Variants in UBE2D2 observed in about 807,000 individuals in gnomAD.
UBE2D2 encodes ubiquitin conjugating enzyme E2 D2.
A neutral mutation model predicts 24.2 loss-of-function variants in UBE2D2; 2 were observed. The observed-to-expected ratio is 0.08, with a 90% CI of 0.03 to 0.26. The LOEUF (loss-of-function observed/expected upper bound fraction) is 0.26, where lower values mean the gene tolerates loss of function less well. Among genes scored for constraint, UBE2D2 ranks in the 10% least tolerant of loss-of-function variants. UBE2D2 has a pLI of 1.00. For synonymous variants in UBE2D2, 58 were observed against 56.5 expected, an observed-to-expected ratio of 1.03 and a Z score of -0.12; for missense variants, 44 against 177.6, an observed-to-expected ratio of 0.25 and a Z score of 4.28.
chr5:139,539,125 A>G (rs1232885709), intron 1 of UBE2D2, among the ~76,000 whole-genome samples: 1 of 151,954 alleles, frequency 6.6e-6, no homozygotes, highest in Non-Finnish European at 1.5e-5. Flanking sequence ...CCCGGGTTCA[A>G]GTAATTCTCC....
chr5:139,567,393 C>T (rs1030996926), intron 1 of UBE2D2, among the ~76,000 whole-genome samples: 11 of 151,830 alleles, frequency 7.2e-5, no homozygotes, highest in South Asian at 2.1e-4. Context: ...ACACCGTGCC[C>T]GGCCTTAAGT....
chr5:139,532,902 T>C (rs1752615024), intron 1 of UBE2D2, among the ~76,000 whole-genome samples: 2 of 151,542 alleles, frequency 1.3e-5, no homozygotes, highest in Non-Finnish European at 2.9e-5. Context: ...AGATCAGGAG[T>C]TTGAGACCAG....
intron 2 of UBE2D2, among the ~76,000 whole-genome samples, chr5:139,601,418 A>G (rs1200366265): frequency 6.6e-6 from 1 of 152,120 alleles, no homozygotes; most frequent in African/African-American, 2.4e-5. Flanking sequence ...AGCTTGGTCA[A>G]CATGGTGAAG....
intron 1 of UBE2D2, among the ~76,000 whole-genome samples, chr5:139,583,251 A>G (rs1181534697): frequency 2.0e-5 from 3 of 152,172 alleles, no homozygotes; most frequent in East Asian, 1.9e-4. Context: ...TTGGGATTAC[A>G]GGCATGAACC....
At chr5:139,603,684 G>T (rs1456548456) in intron 2 of UBE2D2, among the ~76,000 whole-genome samples, 1 of 145,654 alleles carries the variant, frequency 6.9e-6, no homozygotes, top group Non-Finnish European at 1.5e-5. Flanking sequence ...CGCCTGTAAT[G>T]CCAGCACTTT....
At chr5:139,597,424 A>C (rs543157282) in intron 1 of UBE2D2, among the ~76,000 whole-genome samples, 188 of 152,338 alleles carry the variant, frequency 1.2e-3, no homozygotes, top group Admixed American at 3.9e-3. Context: ...TTAAATGTCT[A>C]TTAGCCTAAG....
intron 1 of UBE2D2, among the ~76,000 whole-genome samples, chr5:139,545,431 T>C (rs1752813211): frequency 3.8e-4 from 1 of 2,624 alleles, no homozygotes; most frequent in Non-Finnish European, 6.2e-4. Flanking sequence ...CTTTTTTTTT[T>C]TTAATTTTTT....
At chr5:139,600,343 T>C in intron 1 of UBE2D2, 29 bp from the exon 2 acceptor site, 1 of 1,609,532 alleles carries the variant, frequency 6.2e-7, no homozygotes. Context: ...TTATGTTGAA[T>C]ATATTTCTTT....
intron 1 of UBE2D2, among the ~76,000 whole-genome samples, chr5:139,541,493 A>G (rs1581481506): frequency 1.5e-5 from 2 of 137,642 alleles, no homozygotes; most frequent in Admixed American, 7.5e-5. Flanking sequence ...CCAGCTACTC[A>G]GGAGGCTGAG....
chr5:139,562,965 A>G (rs1753143070), intron 1 of UBE2D2, among the ~76,000 whole-genome samples: 1 of 152,090 alleles, frequency 6.6e-6, no homozygotes, highest in South Asian at 2.1e-4. Flanking sequence ...TTAGTGGAGA[A>G]CGGGGTCTTG....
intron 1 of UBE2D2, among the ~76,000 whole-genome samples, chr5:139,567,584 A>G (rs1382528209): frequency 2.4e-5 from 3 of 127,036 alleles, no homozygotes; most frequent in African/African-American, 6.4e-5. Context: ...CCCAGGCTGG[A>G]GTGCAGTGGC....
intron 1 of UBE2D2, among the ~76,000 whole-genome samples, chr5:139,570,998 C>G (rs1753341434): frequency 6.6e-6 from 1 of 152,196 alleles, no homozygotes; most frequent in South Asian, 2.1e-4. Context: ...AGACTAAAAA[C>G]CACTGTCCTT....
At chr5:139,618,207 C>T (rs890059174) in intron 5 of UBE2D2, among the ~76,000 whole-genome samples, 1 of 152,068 alleles carries the variant, frequency 6.6e-6, no homozygotes, top group African/African-American at 2.4e-5. Context: ...CTCCCAACCT[C>T]AGGTGATCCG....
chr5:139,610,597 G>A (rs1483955284), intron 2 of UBE2D2, among the ~76,000 whole-genome samples: 1 of 151,830 alleles, frequency 6.6e-6, no homozygotes, highest in African/African-American at 2.4e-5. Flanking sequence ...GAGGGTCTGG[G>A]CACAGTGGCT....
At chr5:139,559,352 G>A (rs1278464572), upstream of UBE2D2, among the ~76,000 whole-genome samples, 1 of 151,824 alleles carries the variant, frequency 6.6e-6, no homozygotes, top group Non-Finnish European at 1.5e-5. Context: ...GCCTGAACCC[G>A]GGAGAAGAGC....
intron 1 of UBE2D2, among the ~76,000 whole-genome samples, chr5:139,590,451 A>G (rs983537106): frequency 6.6e-6 from 1 of 151,830 alleles, no homozygotes; most frequent in Non-Finnish European, 1.5e-5. Context: ...AATAAAAAAA[A>G]AAAAAAGAAA....
At chr5:139,610,347 C>A (rs1754289486) in intron 2 of UBE2D2, among the ~76,000 whole-genome samples, 1 of 150,476 alleles carries the variant, frequency 6.6e-6, no homozygotes, top group Non-Finnish European at 1.5e-5. Context: ...TTGAGACCAG[C>A]CTGTCCAACA....
At chr5:139,529,104 A>G (rs1752572367) in intron 1 of UBE2D2, among the ~76,000 whole-genome samples, 2 of 152,230 alleles carry the variant, frequency 1.3e-5, no homozygotes, top group South Asian at 4.1e-4. Context: ...GAGGTAGGAC[A>G]AAAGATTGCT....
chr5:139,586,812 T>C (rs1753735374), intron 1 of UBE2D2, among the ~76,000 whole-genome samples: 1 of 152,238 alleles, frequency 6.6e-6, no homozygotes, highest in Non-Finnish European at 1.5e-5. Context: ...TTTTGAATTA[T>C]TTGTTTTATG....
Sources: gnomAD v4.1 joint callset for allele counts (sites outside exome capture counted in the v4.1 genomes callset) on GRCh38, gnomAD v4.1.1 for gene constraint, MANE v1.5 for transcripts, NCBI Gene and HGNC (gene_info 2026-07-23, HGNC 2026-07-21) for gene names.